Variants in PARD3B observed in about 807,000 individuals in gnomAD.
PARD3B encodes partitioning defective 3 homolog B.
A neutral mutation model predicts 130.2 loss-of-function variants in PARD3B; 103 were observed. The observed-to-expected ratio is 0.79, with a 90% confidence interval of 0.67 to 0.93. The LOEUF (loss-of-function observed/expected upper bound fraction) is 0.93, where lower values mean the gene tolerates loss of function less well. PARD3B is among the 40% of genes least tolerant of loss of function. The probability of loss-of-function intolerance (pLI) is 0.00; values close to 1 mark genes in which losing one functional copy is unlikely to be tolerated. For synonymous variants in PARD3B, 583 were observed against 553.2 expected (o/e 1.05, Z -0.76); for missense variants, 1,609 against 1,499.2 (o/e 1.07, Z -1.21).
intron 20 of PARD3B, among the ~76,000 whole-genome samples, chr2:205,479,679 T>A (rs1044543210): frequency 1.3e-5 from 2 of 152,200 alleles, no homozygotes; most frequent in African/African-American, 2.4e-5. Context: ...CTCTATTCTG[T>A]CTTCCACAGA....
intron 7 of PARD3B, among the ~76,000 whole-genome samples, chr2:205,119,569 C>A (rs2030397697): frequency 6.6e-6 from 1 of 152,036 alleles, no homozygotes; most frequent in South Asian, 2.1e-4. Context: ...ATCATGAGGT[C>A]AGGAGTTCAA....
rs571877092 is a variant in PARD3B at position 204,939,827 on chromosome 2, C to A, written c.223-25325C>A. Among the ~76,000 whole-genome samples the A allele has an allele frequency of 2.0e-5, 3 of 152,240 alleles. No homozygotes were observed. In the South Asian group the frequency reaches 6.2e-4, roughly 32 times the overall value. On this transcript the variant is annotated intron_variant, in intron 2 of 22. Transcript: ENST00000406610. ...CCACCTATCCCAAATGTATAATAGT[C>A]AAAAATGTTTCCTATTTATTATCAC...
intron 2 of PARD3B, among the ~76,000 whole-genome samples, chr2:204,738,607 C>T (rs917393583): frequency 1.3e-5 from 2 of 152,106 alleles, no homozygotes; most frequent in South Asian, 2.1e-4. Flanking sequence ...AGGCCAAAAT[C>T]GTGGTATCAG....
At chr2:204,922,479 A>G (rs17535619) in intron 2 of PARD3B, among the ~76,000 whole-genome samples, 1,659 of 152,176 alleles carry the variant, frequency 0.011, 21 homozygotes, top group Middle Eastern at 0.037. Flanking sequence ...GGTATTATTT[A>G]TACAGTGTTT....
intron 3 of PARD3B, among the ~76,000 whole-genome samples, chr2:205,008,540 T>C (rs1377363617): frequency 1.3e-5 from 2 of 152,198 alleles, no homozygotes; most frequent in Non-Finnish European, 2.9e-5. Context: ...GTTCTTCCTT[T>C]CTGCCTTCCA....
intron 18 of PARD3B, among the ~76,000 whole-genome samples, chr2:205,317,416 C>T (rs1464571462): frequency 6.6e-6 from 1 of 152,136 alleles, no homozygotes; most frequent in Non-Finnish European, 1.5e-5. Context: ...AGTGAAATGG[C>T]ACTGAATTCA....
intron 2 of PARD3B, among the ~76,000 whole-genome samples, chr2:204,739,814 A>C (rs2039920308): frequency 6.6e-6 from 1 of 151,924 alleles, no homozygotes; most frequent in Non-Finnish European, 1.5e-5. Flanking sequence ...TTTTATCGGA[A>C]AAAAATTTTT....
intron 20 of PARD3B, among the ~76,000 whole-genome samples, chr2:205,489,296 A>C (rs956691076): frequency 2.6e-5 from 4 of 151,930 alleles, no homozygotes; most frequent in Non-Finnish European, 5.9e-5. Context: ...TAAATTACTT[A>C]AGGCTCAAAA....
intron 3 of PARD3B, among the ~76,000 whole-genome samples, chr2:204,987,722 C>T (rs73984492): frequency 0.017 from 2,638 of 152,140 alleles, 71 homozygotes; most frequent in African/African-American, 0.06. Flanking sequence ...AAGGACTTTT[C>T]ATTGTCTTTC....
At chr2:205,059,412 T>A (rs1162700101) in intron 4 of PARD3B, among the ~76,000 whole-genome samples, 1 of 152,092 alleles carries the variant, frequency 6.6e-6, no homozygotes, top group Non-Finnish European at 1.5e-5. Flanking sequence ...CCCAGATGTT[T>A]CTTCTGCTGG....
chr2:205,168,285 A>AAGGG (rs2034931981), intron 11 of PARD3B, among the ~76,000 whole-genome samples: 2 of 59,880 alleles, frequency 3.3e-5, no homozygotes, highest in South Asian at 5.3e-4. Context: ...AGGGGTGAGA[A>AAGGG]AGGGAGAGAG....
rs1158592169 is a variant in PARD3B at position 205,470,816 on chromosome 2, A to G, written c.3045-29080A>G. 6.6e-6 allele frequency among the ~76,000 whole-genome samples: 1 copy of G among 152,224 alleles called. No homozygotes were observed. The highest frequency in any genetic ancestry group is 2.4e-5 in the African/African-American group (1 of 41,456). On this transcript the variant is annotated intron_variant, in intron 20 of 22. Transcript: ENST00000406610. The surrounding 1 kb of genome is among the most constrained non-coding windows in gnomAD (Gnocchi z 4.8). ...TATTAGGAAAAATTCTATGGAGTTT[A>G]CAATAGAATCATAGGGAAGCTCTTA...
intron 3 of PARD3B, among the ~76,000 whole-genome samples, chr2:204,990,138 T>C (rs1339528837): frequency 6.6e-6 from 1 of 152,122 alleles, no homozygotes; most frequent in East Asian, 1.9e-4. Context: ...TATTTCATTG[T>C]GATTGAGCTC....
chr2:205,238,892 A>ATATATATATATATGTATGTG (rs1559575178), intron 15 of PARD3B, among the ~76,000 whole-genome samples: 1 of 114,188 alleles, frequency 8.8e-6, no homozygotes, highest in African/African-American at 3.3e-5. Flanking sequence ...GTGTGTATAT[A>ATATATATATATATGTATGTG]TATATATATA....
chr2:205,514,401 G>C (rs1033197630), intron 21 of PARD3B, among the ~76,000 whole-genome samples: 1 of 152,026 alleles, frequency 6.6e-6, no homozygotes, highest in Non-Finnish European at 1.5e-5. Context: ...AAAAACTCTG[G>C]TTTAGAATTT....
At chr2:205,311,409 A>T (rs1172627124) in intron 18 of PARD3B, among the ~76,000 whole-genome samples, 3 of 152,116 alleles carry the variant, frequency 2.0e-5, no homozygotes, top group Non-Finnish European at 4.4e-5. Context: ...CATTTCCCTG[A>T]TGATTCGTGA....
intron 3 of PARD3B, among the ~76,000 whole-genome samples, chr2:204,983,458 A>G (rs1692863534): frequency 6.6e-6 from 1 of 152,150 alleles, no homozygotes; most frequent in Non-Finnish European, 1.5e-5. Flanking sequence ...AAGTTAGAAA[A>G]AAAAGACAAC....
chr2:204,558,284 T>A (rs2031067876), intron 1 of PARD3B: 1 of 152,184 alleles, frequency 6.6e-6, no homozygotes, highest in African/African-American at 2.4e-5. Flanking sequence ...CATGATTGTG[T>A]ATTTAGAAAA....
intron 16 of PARD3B, among the ~76,000 whole-genome samples, chr2:205,284,486 C>T (rs2041310707): frequency 6.6e-6 from 1 of 152,072 alleles, no homozygotes; most frequent in Non-Finnish European, 1.5e-5. Context: ...TGCTGCAGTC[C>T]TCTAAATGGG....
Sources: gnomAD v4.1 joint callset for allele counts (sites outside exome capture counted in the v4.1 genomes callset) on GRCh38, gnomAD v4.1.1 for gene constraint, Gnocchi (gnomAD v3.1) non-coding constraint, MANE v1.5 for transcripts, NCBI Gene and HGNC (gene_info 2026-07-23, HGNC 2026-07-21) for gene names.